RUNX1T1: variants seen among roughly 807,000 people sequenced by gnomAD.
RUNX1T1 encodes protein CBFA2T1.
Under a neutral mutation model 62.8 loss-of-function variants are expected in RUNX1T1, and 4 were observed. The ratio of observed to expected loss-of-function variants is 0.06; its 90% CI spans 0.03 to 0.15. The LOEUF (loss-of-function observed/expected upper bound fraction) is 0.15. RUNX1T1 is among the 10% of genes least tolerant of loss of function. The probability of loss-of-function intolerance (pLI) is 1.00; values close to 1 mark genes in which losing one functional copy is unlikely to be tolerated. For missense variants in RUNX1T1, 508 were observed against 754.3 expected (o/e 0.67, Z 3.82); for synonymous variants, 291 against 286.0 (o/e 1.02, Z -0.18).
Position 92,050,684 on chromosome 8 carries a change from A to G in RUNX1T1, c.7+11862T>C, listed in dbSNP as rs74514004. Among the ~76,000 whole-genome samples the G allele has an allele frequency of 9.2e-3, 1,396 of 152,298 alleles. 21 individuals carry two copies. The highest frequency in any genetic ancestry group is 0.032 in the African/African-American group (1,327 of 41,560). On this transcript the variant is annotated intron_variant, in intron 1 of 10. Coordinates refer to ENST00000396218, the Ensembl canonical transcript of RUNX1T1. ...TAATTCCAATTAAACATGGTGCGTC[A>G]ATGGATTTAAAGGCTCATCTCATTC... is the stretch of plus-strand genomic sequence containing the variant.
intron 3 of RUNX1T1, among the ~76,000 whole-genome samples, chr8:92,011,919 C>G (rs1208817999): frequency 6.6e-6 from 1 of 152,178 alleles, no homozygotes; most frequent in Non-Finnish European, 1.5e-5. Flanking sequence ...AGTAAATTAA[C>G]CCTCATTTCA....
chr8:91,959,441 T>G, exon 11 of RUNX1T1: 1 of 118,832 alleles, frequency 8.4e-6, no homozygotes, highest in Admixed American at 1.4e-4. Flanking sequence ...TGTGTGTGTG[T>G]GTGTGTGTGT....
intron 1 of RUNX1T1, among the ~76,000 whole-genome samples, chr8:92,098,969 T>C (rs974525528): frequency 3.9e-5 from 6 of 152,228 alleles, no homozygotes; most frequent in Admixed American, 2.6e-4. Flanking sequence ...GGAACTCTTA[T>C]ATTAATGGCT....
At chr8:92,031,599 G>A (rs1400099604) in intron 1 of RUNX1T1, among the ~76,000 whole-genome samples, 1 of 152,102 alleles carries the variant, frequency 6.6e-6, no homozygotes, top group Non-Finnish European at 1.5e-5. Context: ...CTCTGGAGTA[G>A]CTGGGACTAC....
chr8:92,070,245 C>T (rs1007039168), intron 2 of RUNX1T1, among the ~76,000 whole-genome samples: 5 of 152,142 alleles, frequency 3.3e-5, no homozygotes, highest in East Asian at 1.9e-4. Context: ...GAAGACTCCA[C>T]GTGGACAGAA....
chr8:92,047,946 T>G (rs117101487), intron 1 of RUNX1T1, among the ~76,000 whole-genome samples: 1 of 152,206 alleles, frequency 6.6e-6, no homozygotes, highest in African/African-American at 2.4e-5. Flanking sequence ...GTCAGGGATC[T>G]GAGCTTTGAG....
chr8:91,975,971 C>T (rs747964791), exon 9 of RUNX1T1: 34 of 1,611,260 alleles, frequency 2.1e-5, no homozygotes, highest in Non-Finnish European at 2.5e-5. Flanking sequence ...TCCCGATGCG[C>T]GTCTATGAAA....
At chr8:92,011,659 G>T (rs913202840) in intron 3 of RUNX1T1, among the ~76,000 whole-genome samples, 2 of 152,146 alleles carry the variant, frequency 1.3e-5, no homozygotes, top group African/African-American at 4.8e-5. Context: ...GAAAAGGTTT[G>T]ACCCTTCTGT....
At chr8:92,048,383 A>G (rs574394614) in intron 1 of RUNX1T1, among the ~76,000 whole-genome samples, 4 of 152,284 alleles carry the variant, frequency 2.6e-5, no homozygotes, top group African/African-American at 2.4e-5. Flanking sequence ...TTAATTCCTA[A>G]AAATATTACA....
At chr8:92,007,377 G>C (rs1417448649) in intron 4 of RUNX1T1, among the ~76,000 whole-genome samples, 9 of 151,872 alleles carry the variant, frequency 5.9e-5, no homozygotes. Context: ...TGAGGCAAGA[G>C]AATAGCTTGA....
intron 1 of RUNX1T1, among the ~76,000 whole-genome samples, chr8:92,085,617 A>G (rs1835981955): frequency 6.6e-6 from 1 of 152,242 alleles, no homozygotes. Context: ...GACAGATTTT[A>G]GAACAAAACC....
intron 1 of RUNX1T1, among the ~76,000 whole-genome samples, chr8:92,035,463 A>G (rs1329274830): frequency 6.6e-6 from 1 of 152,066 alleles, no homozygotes; most frequent in Non-Finnish European, 1.5e-5. Context: ...TGCATGTAAG[A>G]AATGCATCTG....
chr8:91,959,775 T>A (rs1810047108), exon 11 of RUNX1T1: 1 of 248,862 alleles, frequency 4.0e-6, no homozygotes, highest in Non-Finnish European at 8.0e-6. Flanking sequence ...CCAATGCTCA[T>A]GCCCTTGAGG....
chr8:92,017,784 G>A, intron 1 of RUNX1T1: 2 of 289,554 alleles, frequency 6.9e-6, no homozygotes, highest in Non-Finnish European at 1.1e-5. Flanking sequence ...ATACTGGTAG[G>A]AGCCAGCTCT....
chr8:92,038,965 C>T (rs1827916944), intron 1 of RUNX1T1, among the ~76,000 whole-genome samples: 1 of 152,062 alleles, frequency 6.6e-6, no homozygotes, highest in South Asian at 2.1e-4. Context: ...AACACCCCTC[C>T]CCTTTATTGT....
chr8:92,065,132 T>C (rs1386894528), upstream of RUNX1T1, among the ~76,000 whole-genome samples: 1 of 152,018 alleles, frequency 6.6e-6, no homozygotes, highest in African/African-American at 2.4e-5. Flanking sequence ...CCTGGATATG[T>C]AGTTCTACAC....
chr8:92,085,115 G>A (rs1356240946), intron 1 of RUNX1T1, among the ~76,000 whole-genome samples: 2 of 152,190 alleles, frequency 1.3e-5, no homozygotes, highest in African/African-American at 4.8e-5. Flanking sequence ...GATGAAAAGG[G>A]TAGCTAAAGG....
intron 1 of RUNX1T1, among the ~76,000 whole-genome samples, chr8:92,048,950 G>A (rs1366867890): frequency 6.6e-6 from 1 of 152,172 alleles, no homozygotes; most frequent in Non-Finnish European, 1.5e-5. Context: ...ATTAAAATGA[G>A]GAGGTATGGT....
chr8:92,076,923 C>T (rs1834517274), intron 1 of RUNX1T1, among the ~76,000 whole-genome samples: 2 of 151,914 alleles, frequency 1.3e-5, no homozygotes, highest in Admixed American at 6.6e-5. Flanking sequence ...TTCTTACAAA[C>T]TAGGAAATAT....
Sources: allele counts gnomAD v4.1 joint callset (sites outside exome capture counted in the v4.1 genomes callset), GRCh38; gene constraint gnomAD v4.1.1; transcripts MANE v1.5; gene names NCBI Gene and HGNC (gene_info 2026-07-23, HGNC 2026-07-21).